Variants in ITGB5 observed in about 807,000 individuals in gnomAD.
ITGB5 encodes the protein integrin subunit beta 5.
Under a neutral mutation model 84.8 loss-of-function variants are expected in ITGB5, and 38 were observed. The ratio of observed to expected loss-of-function variants is 0.45; its 90% CI spans 0.35 to 0.59. The LOEUF (loss-of-function observed/expected upper bound fraction) is 0.59, where lower values mean the gene tolerates loss of function less well. Ranked by LOEUF, ITGB5 falls within the 20% of genes least tolerant of loss-of-function variation. The pLI, the probability that ITGB5 is intolerant of heterozygous loss-of-function variation, is 0.01. For missense variants in ITGB5, 905 were observed against 1,034.5 expected, an observed-to-expected ratio of 0.87 and a Z score of 1.72; for synonymous variants, 393 against 414.4, an observed-to-expected ratio of 0.95 and a Z score of 0.63.
intron 8 of ITGB5, among the ~76,000 whole-genome samples, chr3:124,813,977 C>A (rs1392441346): frequency 6.6e-6 from 1 of 152,072 alleles, no homozygotes; most frequent in Non-Finnish European, 1.5e-5. Flanking sequence ...CTCATTAGAA[C>A]AAAAGATGTT....
chr3:124,784,898 T>C (rs2150952782), intron 10 of ITGB5, among the ~76,000 whole-genome samples: 1 of 152,344 alleles, frequency 6.6e-6, no homozygotes, highest in Admixed American at 6.5e-5. Flanking sequence ...CATGGTGTTG[T>C]GGTTGGTTAA....
intron 5 of ITGB5, among the ~76,000 whole-genome samples, chr3:124,836,734 C>T (rs1206797965): frequency 6.6e-6 from 1 of 152,192 alleles, no homozygotes; most frequent in Non-Finnish European, 1.5e-5. Flanking sequence ...AGAATCACGG[C>T]TCCTCTGAGG....
At chr3:124,861,495 T>TATATATATATATACACACAC in intron 2 of ITGB5, among the ~76,000 whole-genome samples, 1 of 112,014 alleles carries the variant, frequency 8.9e-6, no homozygotes, top group African/African-American at 3.8e-5. Context: ...TATATATATA[T>TATATATATATATACACACAC]ACACACACAC....
At chr3:124,824,619 T>C (rs1319285678) in intron 5 of ITGB5, among the ~76,000 whole-genome samples, 1 of 152,134 alleles carries the variant, frequency 6.6e-6, no homozygotes. Flanking sequence ...GGAGAAAATA[T>C]TTGAAAAAAT....
chr3:124,881,668 C>CA (rs1934575742), intron 1 of ITGB5, among the ~76,000 whole-genome samples: 1 of 152,056 alleles, frequency 6.6e-6, no homozygotes, highest in Admixed American at 6.6e-5. Flanking sequence ...CATACCAGCT[C>CA]AAAAAATCCT....
rs1332360251 is a variant in ITGB5, at chr3:124,764,474, T to C, written c.2221A>G (p.Ile741Val). The C allele has an allele frequency of 2.5e-6, 4 of 1,614,030 alleles. No individual in the cohort carries two copies. Among genetic ancestry groups the C allele is most frequent in the Admixed American group, 1.7e-5 (1 of 60,018 alleles). Residue 741 changes from isoleucine (I) to valine (V), a missense_variant, in exon 14 of 15, where the codon ATC (isoleucine) becomes GTC (valine). Around this residue, in one of 3 missense-constraint regions of ITGB5, gnomAD observed 133 missense variants for 122.8 expected, o/e 1.08. Transcript: ENST00000296181. ...ILLVGLALLA[I>V]WKLLVTIHDR... ...TGGATGGTGACAAGCAGCTTCCAGA[T>C]AGCCAGGAGTGCAAGCCCAACAAGG...
Position 124,833,684 on chromosome 3 carries a change from G to C in ITGB5, c.780+7699C>G, listed in dbSNP as rs578249704. On this transcript the variant is annotated intron_variant, in intron 5 of 14. Transcript: ENST00000296181. Reference sequence around the variant, plus strand: ...CCAGGATGGGACAAGCTTGGGGCCAGAAGAACCTGGTATTCCTGAACTTCA... The same window carrying C: ...CCAGGATGGGACAAGCTTGGGGCCACAAGAACCTGGTATTCCTGAACTTCA... Among the ~76,000 whole-genome samples, 401 of 152,336 alleles carry C rather than the reference G, an allele frequency of 2.6e-3. 3 individuals are homozygous for C. Among genetic ancestry groups the C allele is most frequent in the Non-Finnish European group, 4.5e-3 (308 of 68,038 alleles).
At chr3:124,899,959 T>C (rs72974593) in intron 1 of ITGB5, among the ~76,000 whole-genome samples, 3,470 of 150,564 alleles carry the variant, frequency 0.023, 126 homozygotes, top group African/African-American at 0.08. Flanking sequence ...TTTATGAAAT[T>C]TGAACAATGA....
intron 1 of ITGB5, among the ~76,000 whole-genome samples, chr3:124,886,579 T>A (rs1934819209): frequency 6.6e-6 from 1 of 151,808 alleles, no homozygotes; most frequent in African/African-American, 2.4e-5. Context: ...CAAGGACCGC[T>A]TTGTGCCCGC....
intron 2 of ITGB5, chr3:124,862,032 G>A (rs959807864): frequency 2.0e-5 from 3 of 152,278 alleles, no homozygotes; most frequent in African/African-American, 7.2e-5. Flanking sequence ...TGAGCTGTCT[G>A]AAGTAGATGT....
At chr3:124,893,967 C>T (rs1935049197) in intron 1 of ITGB5, among the ~76,000 whole-genome samples, 2 of 151,806 alleles carry the variant, frequency 1.3e-5, no homozygotes, top group African/African-American at 2.4e-5. Context: ...TGACCAATTC[C>T]GAAAATACTC....
At position 124,841,379 on chromosome 3, in the gene ITGB5, T is replaced by C. The variant is rs2065007967; in HGVS notation, c.780+4A>G. 1 of 1,613,284 alleles carries C rather than the reference T, an allele frequency of 6.2e-7. No individual in the cohort carries two copies. ...GCAGGGACAGGACCAGAAAGGAAAG[T>C]TACCTTGCAGACGGCTGCCTGGAGT... On this transcript the variant is annotated splice_donor_region_variant and intron_variant, in intron 5 of 14. Coordinates refer to ENST00000296181, the MANE Select transcript of ITGB5 (RefSeq NM_002213.5).
At chr3:124,797,473 G>C (rs947118961) in intron 9 of ITGB5, among the ~76,000 whole-genome samples, 6 of 152,210 alleles carry the variant, frequency 3.9e-5, no homozygotes, top group African/African-American at 1.4e-4. Flanking sequence ...TCTTAAAGAA[G>C]AGTCTCCAAC....
chr3:124,857,656 T>C (rs1489254766), intron 3 of ITGB5, among the ~76,000 whole-genome samples: 3 of 152,204 alleles, frequency 2.0e-5, no homozygotes, highest in Admixed American at 2.0e-4. Context: ...AGCGTAATAC[T>C]TTCCAATTTA....
intron 4 of ITGB5, among the ~76,000 whole-genome samples, chr3:124,847,096 T>C (rs775066396): frequency 1.2e-4 from 19 of 152,234 alleles, no homozygotes; most frequent in Non-Finnish European, 2.4e-4. Flanking sequence ...CCTCAACAGA[T>C]TGTTATGAGA....
At chr3:124,877,954 T>C (rs1934400702) in intron 1 of ITGB5, among the ~76,000 whole-genome samples, 1 of 152,186 alleles carries the variant, frequency 6.6e-6, no homozygotes, top group African/African-American at 2.4e-5. Context: ...GTGATTCTCC[T>C]GCCTCAGCCT....
chr3:124,853,256 T>G (rs2065181182), intron 3 of ITGB5, among the ~76,000 whole-genome samples: 1 of 152,150 alleles, frequency 6.6e-6, no homozygotes, highest in Non-Finnish European at 1.5e-5. Context: ...AACAGAAAAT[T>G]AAGGCCCTGG....
intron 1 of ITGB5, 144 bp downstream of exon 1, chr3:124,886,787 C>T (rs1264514875): frequency 5.7e-6 from 2 of 348,372 alleles, no homozygotes; most frequent in Non-Finnish European, 9.7e-6. Flanking sequence ...CGGGGCTGTC[C>T]CCCAGCGACT....
At chr3:124,779,044 T>C (rs1480560986) in intron 10 of ITGB5, among the ~76,000 whole-genome samples, 1 of 152,202 alleles carries the variant, frequency 6.6e-6, no homozygotes, top group African/African-American at 2.4e-5. Flanking sequence ...CTTGCAGGAA[T>C]GCTGTCAGAA....
Sources: gnomAD v4.1 joint callset for allele counts (sites outside exome capture counted in the v4.1 genomes callset) on GRCh38, gnomAD v4.1.1 for gene constraint, gnomAD v4.1.1 regional missense constraint, MANE v1.5 for transcripts, NCBI Gene and HGNC (gene_info 2026-07-23, HGNC 2026-07-21) for gene names.